The following STK39 variants were observed in gnomAD, a reference collection of about 807,000 sequenced individuals.
The protein encoded by STK39 is STE20/SPS1-related proline-alanine-rich protein kinase.
STK39 carries 20 observed loss-of-function variants against 77.8 expected under a neutral mutation model. That is an observed-to-expected ratio of 0.26 (90% CI 0.18 to 0.37). STK39 has a LOEUF of 0.37. Ranked by LOEUF, STK39 falls within the 10% of genes least tolerant of loss-of-function variation. The pLI is 1.00. For missense variants in STK39, 479 were observed against 656.5 expected (o/e 0.73, Z 2.95); for synonymous variants, 246 against 234.1 (o/e 1.05, Z -0.47).
At chr2:168,024,307 C>G (rs748439365) in intron 14 of STK39, among the ~76,000 whole-genome samples, 3 of 152,154 alleles carry the variant, frequency 2.0e-5, no homozygotes, top group Non-Finnish European at 2.9e-5. Flanking sequence ...CTTATTTGGC[C>G]TTCTGTAACC....
At chr2:167,969,527 C>T (rs1030912020) in intron 16 of STK39, among the ~76,000 whole-genome samples, 21 of 152,236 alleles carry the variant, frequency 1.4e-4, no homozygotes, top group African/African-American at 4.8e-4. Flanking sequence ...TACCCCTACA[C>T]TCTTATCATC....
At chr2:167,981,168 A>C (rs1043901074) in intron 16 of STK39, among the ~76,000 whole-genome samples, 1 of 151,242 alleles carries the variant, frequency 6.6e-6, no homozygotes, top group Non-Finnish European at 1.5e-5. Flanking sequence ...CCAGTTGTCA[A>C]AATATTCATT....
chr2:168,153,427 G>A (rs980296822), intron 5 of STK39, among the ~76,000 whole-genome samples: 1 of 152,184 alleles, frequency 6.6e-6, no homozygotes, highest in Non-Finnish European at 1.5e-5. Context: ...AGAACCCTTA[G>A]AGGGCTTCTT....
chr2:168,000,442 G>A (rs1189050229), intron 16 of STK39, among the ~76,000 whole-genome samples: 2 of 152,172 alleles, frequency 1.3e-5, no homozygotes, highest in Admixed American at 6.5e-5. Flanking sequence ...TAGAATAACC[G>A]ATAGCATTTT....
At chr2:168,150,624 T>C (rs1203331452) in intron 5 of STK39, among the ~76,000 whole-genome samples, 5 of 151,972 alleles carry the variant, frequency 3.3e-5, no homozygotes, top group Non-Finnish European at 7.4e-5. Flanking sequence ...TGAAAACCTC[T>C]AATGAATTGT....
At chr2:168,147,706 TA>T in intron 5 of STK39, among the ~76,000 whole-genome samples, 1 of 152,208 alleles carries the variant, frequency 6.6e-6, no homozygotes, top group East Asian at 1.9e-4. Flanking sequence ...GGGAATATAT[TA>T]ACTAAAATAG....
At chr2:168,173,150 A>G (rs1688870661) in intron 2 of STK39, among the ~76,000 whole-genome samples, 1 of 152,228 alleles carries the variant, frequency 6.6e-6, no homozygotes. Context: ...TCCCCACTGC[A>G]ATGTAATCTA....
chr2:168,172,623 G>A (rs1559132260), intron 2 of STK39, among the ~76,000 whole-genome samples: 1 of 144,856 alleles, frequency 6.9e-6, no homozygotes, highest in Non-Finnish European at 1.5e-5. Context: ...TCCTAAGACC[G>A]TGAGATTCAT....
chr2:168,065,844 T>A (rs1685778563), intron 12 of STK39, among the ~76,000 whole-genome samples: 1 of 152,224 alleles, frequency 6.6e-6, no homozygotes, highest in African/African-American at 2.4e-5. Flanking sequence ...AATTATTCAC[T>A]GTATTTAAAA....
chr2:168,011,131 C>A (rs1684259651), intron 16 of STK39, among the ~76,000 whole-genome samples: 1 of 152,192 alleles, frequency 6.6e-6, no homozygotes, highest in Non-Finnish European at 1.5e-5. Context: ...AACCCTGTCT[C>A]TACTAAAAAT....
intron 12 of STK39, among the ~76,000 whole-genome samples, chr2:168,066,889 A>C (rs1685809699): frequency 6.6e-6 from 1 of 152,256 alleles, no homozygotes; most frequent in Admixed American, 6.5e-5. Context: ...GAGGGAATAC[A>C]GTTTGGATAT....
intron 1 of STK39, among the ~76,000 whole-genome samples, chr2:168,231,055 G>A (rs1321677336): frequency 1.3e-5 from 2 of 152,064 alleles, no homozygotes; most frequent in Admixed American, 1.3e-4. Flanking sequence ...ACAGCTCACT[G>A]TAATCTCCAA....
At chr2:168,162,864 T>C (rs1159541658) in intron 4 of STK39, among the ~76,000 whole-genome samples, 6 of 151,578 alleles carry the variant, frequency 4.0e-5, no homozygotes, top group Non-Finnish European at 7.4e-5. Context: ...CCATCTCTAC[T>C]AAAAATACAA....
At chr2:168,155,938 A>C (rs528659521) in intron 5 of STK39, among the ~76,000 whole-genome samples, 2 of 152,316 alleles carry the variant, frequency 1.3e-5, no homozygotes, top group South Asian at 4.1e-4. Flanking sequence ...GGCAGAGTGC[A>C]CTGACCCAAA....
At chr2:168,089,369 A>T (rs939825062) in intron 10 of STK39, among the ~76,000 whole-genome samples, 1 of 152,248 alleles carries the variant, frequency 6.6e-6, no homozygotes, top group East Asian at 1.9e-4. Flanking sequence ...TACTTCTTTT[A>T]AAAAACACAA....
Position 168,131,806 on chromosome 2 carries a change from G to A in STK39, c.975-2048C>T, listed in dbSNP as rs140777591. On this transcript the variant is annotated intron_variant, in intron 8 of 17. Coordinates refer to ENST00000355999, the MANE Select transcript of STK39 (RefSeq NM_013233.3). ...AACTCTTTCAAATGATTCAACTTTAGTTGTTATTTTAATGTATACTCTTCC... is the reference window on the plus strand; with the variant it reads ...AACTCTTTCAAATGATTCAACTTTAATTGTTATTTTAATGTATACTCTTCC... Among the ~76,000 whole-genome samples the A allele has an allele frequency of 1.8e-4, 27 of 152,290 alleles. No individual in the cohort carries two copies. The East Asian group carries it at 5.2e-3, about 29-fold the overall frequency.
chr2:168,209,568 T>G (rs1553541988), intron 1 of STK39, among the ~76,000 whole-genome samples: 2 of 152,028 alleles, frequency 1.3e-5, no homozygotes, highest in Non-Finnish European at 2.9e-5. Context: ...CCCAGCTACT[T>G]ACTCGGTTGG....
chr2:168,124,835 C>A (rs1462458129), intron 10 of STK39, among the ~76,000 whole-genome samples: 3 of 152,114 alleles, frequency 2.0e-5, no homozygotes, highest in Admixed American at 6.6e-5. Context: ...AAGATGCACA[C>A]AGATTATGAG....
chr2:168,157,907 C>T (rs1243893451), intron 5 of STK39, among the ~76,000 whole-genome samples: 1 of 152,116 alleles, frequency 6.6e-6, no homozygotes, highest in Non-Finnish European at 1.5e-5. Context: ...TTTTATAGAA[C>T]ATCAAGAGTA....
Sources: allele counts gnomAD v4.1 joint callset (sites outside exome capture counted in the v4.1 genomes callset), GRCh38; gene constraint gnomAD v4.1.1; transcripts MANE v1.5; gene names NCBI Gene and HGNC (gene_info 2026-07-23, HGNC 2026-07-21).